The following GLIPR1L1 variants were observed in gnomAD, a reference collection of about 807,000 sequenced individuals.
GLIPR1L1 encodes the protein GLIPR1-like protein 1.
A neutral mutation model predicts 29.9 loss-of-function variants in GLIPR1L1; 26 were observed. The observed-to-expected ratio is 0.87, with a 90% CI of 0.64 to 1.21. The LOEUF is 1.21. GLIPR1L1 is among the 50% of genes most tolerant of loss of function. The pLI, the probability that GLIPR1L1 is intolerant of heterozygous loss-of-function variation, is 0.00. For synonymous variants in GLIPR1L1, 77 were observed against 97.5 expected (o/e 0.79, Z 1.24); for missense variants, 305 against 290.3 (o/e 1.05, Z -0.37).
chr12:75,362,185 G>T (rs1301190921), intron 3 of GLIPR1L1, among the ~76,000 whole-genome samples: 1 of 151,904 alleles, frequency 6.6e-6, no homozygotes, highest in Non-Finnish European at 1.5e-5. Flanking sequence ...TCAATATAAA[G>T]AAAACTTAAA....
chr12:75,342,960 T>C (rs1402318942), intron 1 of GLIPR1L1, among the ~76,000 whole-genome samples: 2 of 116,606 alleles, frequency 1.7e-5, no homozygotes, highest in Admixed American at 8.0e-5. Flanking sequence ...AGATATATAA[T>C]AGATTTTGCA....
intron 3 of GLIPR1L1, among the ~76,000 whole-genome samples, chr12:75,358,889 A>G (rs1043144218): frequency 7.0e-6 from 1 of 143,842 alleles, no homozygotes; most frequent in African/African-American, 2.5e-5. Flanking sequence ...AATTATATAT[A>G]TTACATATAA....
At chr12:75,364,315 G>A (rs1029226684) in intron 4 of GLIPR1L1, among the ~76,000 whole-genome samples, 5 of 151,782 alleles carry the variant, frequency 3.3e-5, no homozygotes, top group African/African-American at 9.7e-5. Flanking sequence ...TCAGATGGTT[G>A]GGGGGCTTAG....
intron 3 of GLIPR1L1, among the ~76,000 whole-genome samples, chr12:75,350,954 A>ATT (rs2042769766): frequency 6.6e-6 from 1 of 152,196 alleles, no homozygotes; most frequent in African/African-American, 2.4e-5. Context: ...ACCATGATAA[A>ATT]ATATTACAGG....
chr12:75,338,039 T>C (rs34128238), intron 1 of GLIPR1L1, among the ~76,000 whole-genome samples: 9,004 of 152,118 alleles, frequency 0.059, 271 homozygotes, highest in African/African-American at 0.08. Flanking sequence ...AGGTGAATTC[T>C]AAGAGAAAAG....
chr12:75,353,445 G>C (rs1182603105), intron 3 of GLIPR1L1, among the ~76,000 whole-genome samples: 1 of 152,158 alleles, frequency 6.6e-6, no homozygotes, highest in African/African-American at 2.4e-5. Flanking sequence ...ACTGAACCAG[G>C]AAGAAGTTGA....
intron 3 of GLIPR1L1, chr12:75,360,406 T>C (rs1300605902): frequency 6.6e-6 from 1 of 152,184 alleles, no homozygotes; most frequent in Non-Finnish European, 1.5e-5. Flanking sequence ...AGTTCCTTCC[T>C]AGATACAATG....
chr12:75,346,394 T>C (rs2042447755), intron 2 of GLIPR1L1, among the ~76,000 whole-genome samples: 1 of 151,888 alleles, frequency 6.6e-6, no homozygotes, highest in Admixed American at 6.6e-5. Flanking sequence ...AAAGCAAAAC[T>C]CTTTTTTTTT....
At position 75,359,357 on chromosome 12, in the gene GLIPR1L1, C is replaced by CTTTTTTTTTTTTT. The variant is rs61616225; in HGVS notation, c.522-3727_522-3715dup. 4.5e-4 allele frequency among the ~76,000 whole-genome samples: 13 copies of CTTTTTTTTTTTTT among 28,586 alleles called. 2 individuals are homozygous for CTTTTTTTTTTTTT. Among genetic ancestry groups the CTTTTTTTTTTTTT allele is most frequent in the Admixed American group, 9.7e-4 (2 of 2,070 alleles). The allele number at this position is 28,586 out of a possible 152,430, so 18.8% of individuals were successfully genotyped here. On this transcript the variant is annotated intron_variant, in intron 3 of 5. Coordinates refer to ENST00000378695, the MANE Select transcript of GLIPR1L1 (RefSeq NM_001304964.2). ...GAGTTAGAAGACTCAGCATTGTTGT[C>CTTTTTTTTTTTTT]TTTTTTTTTTTTTTTTTTTTTTTTT...
At chr12:75,358,012 A>T (rs909387409) in intron 3 of GLIPR1L1, among the ~76,000 whole-genome samples, 1 of 151,582 alleles carries the variant, frequency 6.6e-6, no homozygotes, top group Non-Finnish European at 1.5e-5. Flanking sequence ...AAGCATACAT[A>T]AATAAAATAA....
chr12:75,334,983 T>C, intron 1 of GLIPR1L1, 81 bp downstream of exon 1: 1 of 1,348,270 alleles, frequency 7.4e-7, no homozygotes, highest in Non-Finnish European at 1.0e-6. Flanking sequence ...GGACTTAACT[T>C]GTACTAATTC....
chr12:75,348,423 T>A (rs896258809), intron 3 of GLIPR1L1, among the ~76,000 whole-genome samples: 1 of 152,228 alleles, frequency 6.6e-6, no homozygotes, highest in Non-Finnish European at 1.5e-5. Context: ...TTTTCTTCCA[T>A]GACCTTTCAC....
chr12:75,368,656 C>G (rs1260473601), intron 4 of GLIPR1L1, among the ~76,000 whole-genome samples: 2 of 151,946 alleles, frequency 1.3e-5, no homozygotes, highest in Non-Finnish European at 2.9e-5. Flanking sequence ...TAATTTTCCT[C>G]CTGCATTTTT....
chr12:75,356,802 C>A (rs936007032), intron 3 of GLIPR1L1, among the ~76,000 whole-genome samples: 1 of 152,056 alleles, frequency 6.6e-6, no homozygotes, highest in Non-Finnish European at 1.5e-5. Flanking sequence ...CTATGAAAAA[C>A]TTTAGGATTC....
intron 3 of GLIPR1L1, among the ~76,000 whole-genome samples, chr12:75,353,561 G>C (rs186327504): frequency 5.5e-4 from 83 of 152,214 alleles, no homozygotes; most frequent in Non-Finnish European, 1.0e-3. Flanking sequence ...AATTCTACCA[G>C]AAGAACAAAG....
intron 4 of GLIPR1L1, among the ~76,000 whole-genome samples, chr12:75,367,920 T>C (rs919993799): frequency 2.0e-5 from 3 of 152,190 alleles, no homozygotes; most frequent in Non-Finnish European, 2.9e-5. Flanking sequence ...ATGTTTGTTT[T>C]AGATTATTTT....
At chr12:75,356,521 C>T (rs2043168208) in intron 3 of GLIPR1L1, among the ~76,000 whole-genome samples, 1 of 152,006 alleles carries the variant, frequency 6.6e-6, no homozygotes, top group African/African-American at 2.4e-5. Flanking sequence ...TCTAAAGTAA[C>T]TGCTAAAATT....
At chr12:75,367,268 G>GAAAAAAAAAAAAAAAAAAAAAAAAAA (rs35250320) in intron 4 of GLIPR1L1, among the ~76,000 whole-genome samples, 1 of 88,738 alleles carries the variant, frequency 1.1e-5, no homozygotes, top group Non-Finnish European at 2.1e-5. Flanking sequence ...TTCCTAGGAG[G>GAAAAAAAAAAAAAAAAAAAAAAAAAA]AAAAAAAAAA....
intron 3 of GLIPR1L1, among the ~76,000 whole-genome samples, chr12:75,356,150 A>G (rs931170320): frequency 6.6e-6 from 1 of 152,214 alleles, no homozygotes; most frequent in South Asian, 2.1e-4. Context: ...AAACAAAAAT[A>G]TAATTTAAAA....
Sources: gnomAD v4.1 joint callset for allele counts (sites outside exome capture counted in the v4.1 genomes callset) on GRCh38, gnomAD v4.1.1 for gene constraint, MANE v1.5 for transcripts, NCBI Gene and HGNC (gene_info 2026-07-23, HGNC 2026-07-21) for gene names.